The following NRXN3 variants were observed in gnomAD, a reference collection of about 807,000 sequenced individuals.
The protein encoded by NRXN3 is neurexin III.
In NRXN3, 32 loss-of-function variants were observed where a neutral mutation model predicts 137.6. That is an observed-to-expected ratio of 0.23 (90% CI 0.18 to 0.31). NRXN3 has a LOEUF of 0.31. Ranked by LOEUF, NRXN3 falls within the 10% of genes least tolerant of loss-of-function variation. The probability of loss-of-function intolerance (pLI) is 1.00; values close to 1 mark genes in which losing one functional copy is unlikely to be tolerated. For missense variants in NRXN3, 1,574 were observed against 2,062.5 expected (o/e 0.76, Z 4.59); for synonymous variants, 798 against 784.5 (o/e 1.02, Z -0.29).
chr14:78,698,426 C>T (rs138105959), intron 6 of NRXN3: 12 of 152,156 alleles, frequency 7.9e-5, no homozygotes, highest in Middle Eastern at 3.4e-3. Context: ...TGCTAACAGC[C>T]AGAAGCTGCT....
At chr14:78,360,072 C>T (rs960331173) in intron 4 of NRXN3, among the ~76,000 whole-genome samples, 6 of 152,140 alleles carry the variant, frequency 3.9e-5, no homozygotes, top group African/African-American at 1.4e-4. Flanking sequence ...ATAACCATTC[C>T]TTAACTCTTT....
intron 15 of NRXN3, among the ~76,000 whole-genome samples, chr14:79,285,266 A>G (rs2153450935): frequency 6.6e-6 from 1 of 152,270 alleles, no homozygotes; most frequent in South Asian, 2.1e-4. Context: ...TTCACCTCAG[A>G]TTTTGAATCT....
intron 15 of NRXN3, among the ~76,000 whole-genome samples, chr14:79,227,625 C>G (rs575760431): frequency 6.6e-6 from 1 of 152,240 alleles, no homozygotes; most frequent in East Asian, 1.9e-4. Context: ...TTGTACCCAT[C>G]CTCGTTAGAT....
At chr14:79,491,600 C>CA (rs140445434) in intron 16 of NRXN3, among the ~76,000 whole-genome samples, 3 of 150,224 alleles carry the variant, frequency 2.0e-5, no homozygotes, top group South Asian at 2.1e-4. Context: ...TTTTTCGTCT[C>CA]AAAAAAAAGC....
intron 8 of NRXN3, among the ~76,000 whole-genome samples, chr14:78,750,837 C>T (rs182072602): frequency 1.1e-3 from 163 of 152,288 alleles, no homozygotes; most frequent in Non-Finnish European, 1.9e-3. Flanking sequence ...GGTCTCAGAG[C>T]TCAGGAGGTA....
rs769093019 is a variant in NRXN3 at position 79,518,112 on chromosome 14, T to C, written c.3444+50710T>C. 6.8e-4 allele frequency among the ~76,000 whole-genome samples: 103 copies of C among 151,950 alleles called. 3 individuals are homozygous for C. In the Middle Eastern group the frequency reaches 0.034, roughly 50 times the overall value. ...CAGAGACAGGGTTTCATCATGTTGGTCAGGCAGGTCTCAAACTCCTGACCT... is the reference window on the plus strand; with the variant it reads ...CAGAGACAGGGTTTCATCATGTTGGCCAGGCAGGTCTCAAACTCCTGACCT... On this transcript the variant is annotated intron_variant, in intron 16 of 20. Transcript: ENST00000335750.
chr14:78,999,097 A>T (rs983426591), intron 15 of NRXN3, among the ~76,000 whole-genome samples: 1 of 152,162 alleles, frequency 6.6e-6, no homozygotes, highest in Non-Finnish European at 1.5e-5. Flanking sequence ...CAAACAAAGA[A>T]TTTGGAGACT....
chr14:79,448,930 T>A (rs1480322075), intron 15 of NRXN3, among the ~76,000 whole-genome samples: 1 of 152,204 alleles, frequency 6.6e-6, no homozygotes, highest in Non-Finnish European at 1.5e-5. Flanking sequence ...GACTGCTCAC[T>A]GCACATGAAT....
At chr14:78,492,509 T>C (rs2095687697) in intron 4 of NRXN3, among the ~76,000 whole-genome samples, 1 of 152,180 alleles carries the variant, frequency 6.6e-6, no homozygotes, top group Non-Finnish European at 1.5e-5. Flanking sequence ...AGTTTTTAGA[T>C]ATATTAGTTT....
At chr14:79,418,095 C>G (rs1201815526) in intron 15 of NRXN3, among the ~76,000 whole-genome samples, 1 of 151,962 alleles carries the variant, frequency 6.6e-6, no homozygotes, top group Non-Finnish European at 1.5e-5. Flanking sequence ...AAAGAACATC[C>G]AAAACCTTCA....
At position 79,866,120 on chromosome 14, in the gene NRXN3, A is replaced by C. The variant is rs2099417979; in HGVS notation, c.*4156A>C. On this transcript the variant is annotated 3_prime_UTR_variant, in exon 21 of 21. Transcript: ENST00000335750. ...TTTAAGCCTTTTTGTCTCTTGTATA[A>C]ATCTATACAGGTCCAGTCTCTCTTT... The C allele has an allele frequency of 6.6e-6, 1 of 152,218 alleles. No homozygotes were observed. Among genetic ancestry groups the C allele is most frequent in the South Asian group, 2.1e-4 (1 of 4,836 alleles). 9.4% of individuals were successfully genotyped at this position (152,218 alleles called of 1,614,324 possible). A position where few individuals can be genotyped will look rare whatever the true frequency, so the allele number is the denominator to read the frequency against.
intron 15 of NRXN3, among the ~76,000 whole-genome samples, chr14:79,156,090 A>G (rs2060229763): frequency 6.6e-6 from 1 of 151,856 alleles, no homozygotes; most frequent in African/African-American, 2.4e-5. Context: ...AGATAATAAA[A>G]CAACCATCAC....
intron 19 of NRXN3, among the ~76,000 whole-genome samples, chr14:79,760,052 G>A (rs2139380577): frequency 6.6e-6 from 1 of 151,692 alleles, no homozygotes; most frequent in East Asian, 1.9e-4. Context: ...TCTGCCTACA[G>A]CTTTCAAATA....
At chr14:79,477,003 A>G (rs1426488101) in intron 16 of NRXN3, among the ~76,000 whole-genome samples, 3 of 152,116 alleles carry the variant, frequency 2.0e-5, no homozygotes, top group Non-Finnish European at 4.4e-5. Flanking sequence ...AGATGTGAAG[A>G]AAGTTAATAT....
chr14:78,677,778 T>C (rs529819890), intron 6 of NRXN3, among the ~76,000 whole-genome samples: 1 of 152,270 alleles, frequency 6.6e-6, no homozygotes, highest in African/African-American at 2.4e-5. Flanking sequence ...TCGTTGTTGT[T>C]TTATTTTAGG....
At chr14:79,428,026 TTGG>T (rs1365896433) in intron 15 of NRXN3, among the ~76,000 whole-genome samples, 1 of 151,916 alleles carries the variant, frequency 6.6e-6, no homozygotes, top group Non-Finnish European at 1.5e-5. Flanking sequence ...TCTGTGTGTG[TTGG>T]TGGGTGAATG....
intron 19 of NRXN3, among the ~76,000 whole-genome samples, chr14:79,760,286 A>C (rs757823683): frequency 1.3e-5 from 2 of 151,730 alleles, no homozygotes; most frequent in Admixed American, 6.5e-5. Context: ...ATCTTTAAAA[A>C]TGGAGTGGTA....
At chr14:78,931,745 G>A (rs2099322593) in intron 10 of NRXN3, among the ~76,000 whole-genome samples, 1 of 152,190 alleles carries the variant, frequency 6.6e-6, no homozygotes, top group Non-Finnish European at 1.5e-5. Context: ...GAGTTACAGT[G>A]CCAAAGGGGA....
intron 15 of NRXN3, among the ~76,000 whole-genome samples, chr14:79,133,726 C>A (rs1403897037): frequency 6.6e-6 from 1 of 151,830 alleles, no homozygotes; most frequent in African/African-American, 2.4e-5. Flanking sequence ...GGGATCGAGA[C>A]TATCCTGGCT....
Sources: allele counts gnomAD v4.1 joint callset (sites outside exome capture counted in the v4.1 genomes callset), GRCh38; gene constraint gnomAD v4.1.1; transcripts MANE v1.5; gene names NCBI Gene and HGNC (gene_info 2026-07-23, HGNC 2026-07-21).